Variants in SEMA3E observed in about 807,000 individuals in gnomAD.
The protein encoded by SEMA3E is semaphorin 3E.
Under a neutral mutation model 93.6 loss-of-function variants are expected in SEMA3E, and 49 were observed. The observed-to-expected ratio is 0.52, with a 90% CI of 0.42 to 0.66. The LOEUF is 0.66. Among genes scored for constraint, SEMA3E ranks in the 30% least tolerant of loss-of-function variants. SEMA3E has a pLI of 0.00. For missense variants in SEMA3E, 906 were observed against 964.8 expected (o/e 0.94, Z 0.81); for synonymous variants, 363 against 330.7 (o/e 1.10, Z -1.06).
intron 2 of SEMA3E, 141 bp from the exon 3 acceptor site, chr7:83,469,443 G>T (rs919626552): frequency 1.4e-5 from 8 of 585,618 alleles, no homozygotes; most frequent in African/African-American, 2.3e-5. Flanking sequence ...GTGGGTCTTT[G>T]TGTTATTCAC....
At chr7:83,461,135 C>T (rs899691365) in intron 4 of SEMA3E, among the ~76,000 whole-genome samples, 7 of 152,114 alleles carry the variant, frequency 4.6e-5, no homozygotes, top group African/African-American at 9.7e-5. Flanking sequence ...TAATTCTTGT[C>T]GTAAAATAGG....
intron 1 of SEMA3E, among the ~76,000 whole-genome samples, chr7:83,576,483 C>G (rs1169629765): frequency 2.0e-5 from 3 of 151,970 alleles, no homozygotes; most frequent in Non-Finnish European, 2.9e-5. Context: ...TACAACTTAC[C>G]AAGAATTTTC....
chr7:83,583,767 T>A (rs1792561536), intron 1 of SEMA3E, among the ~76,000 whole-genome samples: 1 of 152,196 alleles, frequency 6.6e-6, no homozygotes, highest in Non-Finnish European at 1.5e-5. Context: ...AAAATTTCCC[T>A]CATTATTAAA....
At chr7:83,487,681 T>A (rs945173673) in intron 2 of SEMA3E, among the ~76,000 whole-genome samples, 3 of 49,586 alleles carry the variant, frequency 6.1e-5, no homozygotes, top group Non-Finnish European at 8.7e-5. Context: ...TGGCAGGAGG[T>A]CGTGTGTGTG....
At chr7:83,617,352 T>C (rs1368972754) in intron 1 of SEMA3E, among the ~76,000 whole-genome samples, 3 of 149,710 alleles carry the variant, frequency 2.0e-5, no homozygotes, top group Admixed American at 6.7e-5. Flanking sequence ...ATATTTTTCC[T>C]TAATCATGTC....
At chr7:83,368,076 A>C (rs766802203) in intron 16 of SEMA3E, 38 bp from the exon 17 acceptor site, 34 of 1,569,948 alleles carry the variant, frequency 2.2e-5, no homozygotes, top group Non-Finnish European at 2.8e-5. Flanking sequence ...TGAAGTACAC[A>C]GGAGAGAAAA....
intron 2 of SEMA3E, among the ~76,000 whole-genome samples, chr7:83,485,929 AG>A (rs1259361560): frequency 1.3e-5 from 2 of 152,232 alleles, no homozygotes; most frequent in Non-Finnish European, 1.5e-5. Context: ...AAGATACTAA[AG>A]AAATAAATAG....
chr7:83,407,129 C>G lies in SEMA3E; in HGVS notation c.781G>C (p.Ala261Pro), dbSNP rs773917768. The change falls in exon 7 of 17, where the codon GCA (alanine) becomes CCA (proline). Residue 261 changes from alanine to proline, a missense_variant. Transcript: ENST00000643230. Reference protein sequence around the residue: ...KALEAENNAHAIYTRVGRLCV... With the variant: ...KALEAENNAHPIYTRVGRLCV... Reference sequence around the variant, plus strand: ...AGTCGCCCGACCCTGGTGTAAATTGCGTGAGCATTGTTTTCTGCCTCCAGT... The same window carrying G: ...AGTCGCCCGACCCTGGTGTAAATTGGGTGAGCATTGTTTTCTGCCTCCAGT... 2 of 1,613,342 alleles carry G rather than the reference C, an allele frequency of 1.2e-6. No individual in the cohort carries two copies. Among genetic ancestry groups the G allele is most frequent in the East Asian group, 4.5e-5 (2 of 44,834 alleles).
intron 5 of SEMA3E, among the ~76,000 whole-genome samples, chr7:83,416,863 T>C (rs1024039901): frequency 3.3e-5 from 5 of 151,936 alleles, no homozygotes; most frequent in African/African-American, 1.2e-4. Flanking sequence ...ATTTCTTGCA[T>C]TTATGGACCT....
At chr7:83,500,772 G>A (rs1790583345) in intron 1 of SEMA3E, among the ~76,000 whole-genome samples, 1 of 151,612 alleles carries the variant, frequency 6.6e-6, no homozygotes, top group African/African-American at 2.4e-5. Context: ...TTTGTATTTG[G>A]TAGAGATGGG....
chr7:83,573,351 C>T (rs1792326313), intron 1 of SEMA3E, among the ~76,000 whole-genome samples: 1 of 151,402 alleles, frequency 6.6e-6, no homozygotes, highest in African/African-American at 2.4e-5. Flanking sequence ...TATTGAAATT[C>T]ATATTTTCAT....
At chr7:83,423,574 G>C (rs1446400360) in intron 4 of SEMA3E, among the ~76,000 whole-genome samples, 1 of 150,652 alleles carries the variant, frequency 6.6e-6, no homozygotes, top group South Asian at 2.1e-4. Context: ...CACCATCTCG[G>C]CTCACTGCAA....
In SEMA3E at chr7:83,505,850, T is replaced by C. The variant is rs568770340; in HGVS notation, c.116-15576A>G. ...CTAACATGGTGAAACCTCGTCTCTA[T>C]TAAAAATACAAAAAATTAGCCGGGT... On this transcript the variant is annotated intron_variant, in intron 1 of 16. Transcript: ENST00000643230. 1.9e-4 allele frequency among the ~76,000 whole-genome samples: 29 copies of C among 151,334 alleles called. 1 individual carries two copies. The Middle Eastern group carries it at 0.01, about 53-fold the overall frequency.
intron 1 of SEMA3E, among the ~76,000 whole-genome samples, chr7:83,553,143 G>A (rs1791801357): frequency 6.6e-6 from 1 of 152,140 alleles, no homozygotes; most frequent in South Asian, 2.1e-4. Context: ...GTCACCCCTG[G>A]CGGCCCATCG....
chr7:83,404,547 A>G (rs1332352348), intron 9 of SEMA3E, among the ~76,000 whole-genome samples: 4 of 152,018 alleles, frequency 2.6e-5, no homozygotes. Context: ...GAAATTGTCT[A>G]TATAACCTTT....
chr7:83,556,045 G>C (rs114141816), intron 1 of SEMA3E, among the ~76,000 whole-genome samples: 2 of 152,044 alleles, frequency 1.3e-5, no homozygotes, highest in African/African-American at 4.8e-5. Context: ...CATTTTCTCT[G>C]TTCTCTTTCC....
chr7:83,384,958 G>A (rs1224493044), intron 16 of SEMA3E, among the ~76,000 whole-genome samples: 1 of 151,832 alleles, frequency 6.6e-6, no homozygotes, highest in Non-Finnish European at 1.5e-5. Context: ...TGGGAGTCAT[G>A]ATTTAAGACT....
intron 12 of SEMA3E, among the ~76,000 whole-genome samples, chr7:83,395,755 T>C (rs1788106817): frequency 7.5e-6 from 1 of 132,810 alleles, no homozygotes; most frequent in Admixed American, 8.3e-5. Flanking sequence ...AGCTGTGCTG[T>C]GCCTTAACGT....
intron 5 of SEMA3E, 77 bp from the exon 6 acceptor site, chr7:83,408,564 T>C: frequency 1.4e-6 from 2 of 1,408,288 alleles, no homozygotes; most frequent in Non-Finnish European, 2.0e-6. Context: ...AAATTTAATA[T>C]GTGTATCTAT....
Sources: allele counts gnomAD v4.1 joint callset (sites outside exome capture counted in the v4.1 genomes callset), GRCh38; gene constraint gnomAD v4.1.1; transcripts MANE v1.5; gene names NCBI Gene and HGNC (gene_info 2026-07-23, HGNC 2026-07-21).